The following PWWP2A variants were observed in gnomAD, a reference collection of about 807,000 sequenced individuals.
The protein encoded by PWWP2A is PWWP domain containing 2A.
PWWP2A carries 18 observed loss-of-function variants against 48.5 expected under a neutral mutation model. The ratio of observed to expected loss-of-function variants is 0.37; its 90% CI spans 0.26 to 0.55. The LOEUF (loss-of-function observed/expected upper bound fraction) is 0.55, where lower values mean the gene tolerates loss of function less well. Among genes scored for constraint, PWWP2A ranks in the 20% least tolerant of loss-of-function variants. The pLI, the probability that PWWP2A is intolerant of heterozygous loss-of-function variation, is 0.81. For synonymous variants in PWWP2A, 396 were observed against 387.7 expected (o/e 1.02, Z -0.25); for missense variants, 867 against 976.4 (o/e 0.89, Z 1.49).
the PWWP2A span, among the ~76,000 whole-genome samples, chr5:160,048,190 C>T: frequency 5.0e-4 from 56 of 111,930 alleles, no homozygotes; most frequent in African/African-American, 1.9e-3. Context: ...CTCTGTTGCC[C>T]GGGCTGGAGT....
At chr5:160,063,932 A>G (rs1753513433) in intron 4 of PWWP2A, among the ~76,000 whole-genome samples, 1 of 148,070 alleles carries the variant, frequency 6.8e-6, no homozygotes, top group Admixed American at 6.7e-5. Context: ...ATGAGTCACC[A>G]TGCTTGGCAA....
chr5:160,093,833 G>A lies in PWWP2A; in HGVS notation c.817C>T (p.Pro273Ser), dbSNP rs1483766118. 1 of 1,614,042 alleles carries A rather than the reference G, an allele frequency of 6.2e-7. No individual in the cohort carries two copies. Among genetic ancestry groups the A allele is most frequent in the Admixed American group, 1.7e-5 (1 of 60,030 alleles). The change falls in exon 2 of 2, where the codon CCT (proline) becomes TCT (serine). Residue 273 changes from proline to serine, a missense_variant. Physicochemically the swap from Pro to Ser is moderately conservative, Grantham distance 74. Coordinates refer to ENST00000307063, the MANE Select transcript of PWWP2A (RefSeq NM_001130864.2). This position sits in a 1 kb window ranked among gnomAD's most constrained non-coding sequence, Gnocchi z 5.8. ...GTGTCCCTGATAAACAAAGGGGGAG[G>A]ATAAGGTGCTCCTTCATGGAAGAGA... ...PPLFHEGAPY[P>S]PPLFIRDTYN...
At position 160,092,417 on chromosome 5, in the gene PWWP2A, C is replaced by A; in HGVS notation, c.2233G>T (p.Glu745Ter). ...AAKAAKQLTPEVRALLTQFET is the reference protein window; with the variant it reads ...AAKAAKQLTP Reference sequence around the variant, plus strand: ...AACTGTGTCAACAAAGCCCGCACTTCGGGGGTCAGCTGCTTGGCAGCCTTA... The same window carrying A: ...AACTGTGTCAACAAAGCCCGCACTTAGGGGGTCAGCTGCTTGGCAGCCTTA... Residue 745 changes from glutamate to a stop codon, truncating the protein, a stop_gained, in exon 2 of 2, where the codon GAA (glutamate) becomes TAA (stop). Transcript: ENST00000307063. LOFTEE classifies it high-confidence loss of function. 6.5e-7 allele frequency: 1 copy of A among 1,549,416 alleles called. No homozygotes were observed. The highest frequency in any genetic ancestry group is 8.7e-7 in the Non-Finnish European group (1 of 1,146,326).
the PWWP2A span, among the ~76,000 whole-genome samples, chr5:160,048,234 C>T: frequency 2.7e-5 from 4 of 147,010 alleles, no homozygotes; most frequent in South Asian, 8.6e-4. Context: ...TGCACGCAAC[C>T]TCCGCCTCCT....
intron 1 of PWWP2A, among the ~76,000 whole-genome samples, chr5:160,102,421 A>C (rs2113601989): frequency 7.2e-6 from 1 of 137,986 alleles, no homozygotes; most frequent in South Asian, 2.4e-4. Context: ...AAAAAAAAAA[A>C]TGCAGCCAGG....
intron 2 of PWWP2A, among the ~76,000 whole-genome samples, chr5:160,084,542 C>A (rs1377790947): frequency 1.3e-5 from 2 of 152,170 alleles, no homozygotes; most frequent in Non-Finnish European, 2.9e-5. Flanking sequence ...GGTCCTCCCA[C>A]CTCAGCCTCC....
intron 2 of PWWP2A, among the ~76,000 whole-genome samples, chr5:160,082,736 A>G (rs1355047393): frequency 6.6e-6 from 1 of 152,156 alleles, no homozygotes; most frequent in African/African-American, 2.4e-5. Flanking sequence ...GCTTTTCTTT[A>G]GAATTTACCA....
chr5:160,117,897 C>A (rs1758300638), intron 1 of PWWP2A: 1 of 983,998 alleles, frequency 1.0e-6, no homozygotes, highest in Non-Finnish European at 1.2e-6. Flanking sequence ...GAATGGAAAG[C>A]CGTGAATGGG....
At chr5:160,047,704 C>G in the PWWP2A span, among the ~76,000 whole-genome samples, 1 of 152,110 alleles carries the variant, frequency 6.6e-6, no homozygotes, top group Non-Finnish European at 1.5e-5. Flanking sequence ...TACATTTCAG[C>G]CTCTGATCCC....
At position 160,078,123 on chromosome 5, in the gene PWWP2A, T is replaced by C. The variant is rs372123171; in HGVS notation, c.*32A>G. On this transcript the variant is annotated 3_prime_UTR_variant, in exon 4 of 4. Coordinates refer to the PWWP2A transcript ENST00000456329. The surrounding 1 kb of genome is among the most constrained non-coding windows in gnomAD (Gnocchi z 4.2). ...TGATGCTCTGGTGTTCTCTGTGTCA[T>C]TGTGGTACAGGTCCATGAAACCAGC... The C allele has an allele frequency of 5.8e-6, 9 of 1,541,646 alleles. No homozygotes were observed. The African/African-American group carries it at 6.8e-5, about 12-fold the overall frequency.
downstream of PWWP2A, among the ~76,000 whole-genome samples, chr5:160,059,598 C>A (rs1757643635): frequency 6.6e-6 from 1 of 152,130 alleles, no homozygotes; most frequent in African/African-American, 2.4e-5. Context: ...TATTAATTGA[C>A]CTAATTTCAA....
rs145515772 is a variant in PWWP2A at position 160,109,888 on chromosome 5, T to C, written c.584+8917A>G. Among the ~76,000 whole-genome samples the C allele has an allele frequency of 1.7e-3, 226 of 132,442 alleles. 1 individual carries two copies. Among genetic ancestry groups the C allele is most frequent in the Non-Finnish European group, 2.9e-3 (176 of 59,928 alleles). The allele number at this position is 132,442 out of a possible 152,430, so 86.9% of individuals were successfully genotyped here. On this transcript the variant is annotated intron_variant, in intron 1 of 1. Transcript: ENST00000307063. The stretch of plus-strand genomic sequence containing the variant: ...CAAAGTCCATGGATTAACAGTAAAT[T>C]GCAAGTGAATAAAAGTAACAGCAGA...
intron 1 of PWWP2A, among the ~76,000 whole-genome samples, 194 bp from the exon 2 acceptor site, chr5:160,094,259 A>G (rs1054717134): frequency 6.6e-6 from 1 of 152,220 alleles, no homozygotes; most frequent in Non-Finnish European, 1.5e-5. Flanking sequence ...TAGGTTCTAC[A>G]TTTTTGGTAA....
chr5:160,091,231 T>C (rs1755030780), downstream of PWWP2A: 1 of 972,146 alleles, frequency 1.0e-6, no homozygotes, highest in Non-Finnish European at 1.2e-6. Flanking sequence ...ATAGGGCAAA[T>C]AGCAAAATAA....
intron 2 of PWWP2A, among the ~76,000 whole-genome samples, chr5:160,084,067 G>T (rs1404782456): frequency 6.6e-6 from 1 of 152,112 alleles, no homozygotes; most frequent in East Asian, 1.9e-4. Context: ...AGTATATGTT[G>T]CAGAATGATA....
intron 2 of PWWP2A, among the ~76,000 whole-genome samples, chr5:160,069,520 A>G (rs1581140716): frequency 1.3e-5 from 2 of 152,186 alleles, no homozygotes; most frequent in Non-Finnish European, 1.5e-5. Context: ...GGGCTCAGCT[A>G]GGGTTTCTCA....
chr5:160,099,582 T>C (rs1205340283), intron 1 of PWWP2A, among the ~76,000 whole-genome samples: 1 of 151,900 alleles, frequency 6.6e-6, no homozygotes, highest in African/African-American at 2.4e-5. Flanking sequence ...CTGCCTTCCA[T>C]AGTGCTGGGA....
intron 1 of PWWP2A, among the ~76,000 whole-genome samples, chr5:160,097,610 C>G (rs1206860373): frequency 1.6e-4 from 24 of 148,004 alleles, no homozygotes; most frequent in Admixed American, 1.4e-3. Context: ...AGCCTAGCAA[C>G]AGAGAGAGAC....
chr5:160,113,245 G>GA, intron 1 of PWWP2A: 1 of 980,672 alleles, frequency 1.0e-6, no homozygotes, highest in Non-Finnish European at 1.2e-6. Context: ...TTTCTTTCTT[G>GA]AGTTATGTAT....
Sources: gnomAD v4.1 joint callset for allele counts (sites outside exome capture counted in the v4.1 genomes callset) on GRCh38, gnomAD v4.1.1 for gene constraint, Gnocchi (gnomAD v3.1) non-coding constraint, MANE v1.5 for transcripts, NCBI Gene and HGNC (gene_info 2026-07-23, HGNC 2026-07-21) for gene names.